Variants in FAT3 observed in about 807,000 individuals in gnomAD.
FAT3 encodes FAT atypical cadherin 3.
Under a neutral mutation model 310.2 loss-of-function variants are expected in FAT3, and 95 were observed. The ratio of observed to expected loss-of-function variants is 0.31; its 90% confidence interval spans 0.26 to 0.36. The LOEUF is 0.36. Among genes scored for constraint, FAT3 ranks in the 10% least tolerant of loss-of-function variants. FAT3 has a pLI of 1.00. For synonymous variants in FAT3, 2,314 were observed against 2,192.9 expected, an observed-to-expected ratio of 1.06 and a Z score of -1.54; for missense variants, 5,408 against 5,715.6, an observed-to-expected ratio of 0.95 and a Z score of 1.74.
Position 92,412,402 on chromosome 11 carries a change from ATT to A in FAT3, c.3292+57016_3292+57017del, listed in dbSNP as rs780298367. 4.6e-3 allele frequency among the ~76,000 whole-genome samples: 461 copies of A among 101,140 alleles called. 6 individuals carry two copies. The highest frequency in any genetic ancestry group is 0.013 in the African/African-American group (407 of 30,862). 66.4% of individuals were successfully genotyped at this position (101,140 alleles called of 152,430 possible). On this transcript the variant is annotated intron_variant, in intron 2 of 27. Transcript: ENST00000525166. Reference sequence around the variant, plus strand: ...AGGCATGAGCCACCAGACCCGGCCTATTTTTTTTTTTTTTTTTTTGAGAGTTT... The same window carrying A: ...AGGCATGAGCCACCAGACCCGGCCTATTTTTTTTTTTTTTTTTGAGAGTTT...
At chr11:92,265,354 A>G (rs1008059242) in intron 1 of FAT3, among the ~76,000 whole-genome samples, 3 of 151,904 alleles carry the variant, frequency 2.0e-5, no homozygotes, top group Non-Finnish European at 4.4e-5. Flanking sequence ...ACCCTTCAGT[A>G]TTGACTGCGT....
chr11:92,256,077 A>G (rs1865303913), intron 1 of FAT3, among the ~76,000 whole-genome samples: 1 of 152,182 alleles, frequency 6.6e-6, no homozygotes, highest in Non-Finnish European at 1.5e-5. Flanking sequence ...TTTTCAAGAT[A>G]TTGAAGTCTG....
chr11:92,490,686 T>C (rs1365475566), intron 2 of FAT3, among the ~76,000 whole-genome samples: 1 of 152,170 alleles, frequency 6.6e-6, no homozygotes, highest in Non-Finnish European at 1.5e-5. Flanking sequence ...GCTCAATTTT[T>C]ATCCTGAGTT....
At chr11:92,824,577 A>C (rs1401271294) in intron 13 of FAT3, among the ~76,000 whole-genome samples, 1 of 152,162 alleles carries the variant, frequency 6.6e-6, no homozygotes, top group East Asian at 1.9e-4. Flanking sequence ...CTGGCCTGCA[A>C]AATAAATTGA....
At chr11:92,458,552 C>T (rs1951557289) in intron 2 of FAT3, among the ~76,000 whole-genome samples, 1 of 150,910 alleles carries the variant, frequency 6.6e-6, no homozygotes, top group Non-Finnish European at 1.5e-5. Context: ...TATCTGCACC[C>T]CCTTATTTCT....
intron 4 of FAT3, among the ~76,000 whole-genome samples, chr11:92,747,744 C>T (rs1244111303): frequency 1.3e-5 from 2 of 152,176 alleles, no homozygotes; most frequent in African/African-American, 4.8e-5. Flanking sequence ...TTTAAAGTTC[C>T]ACAGACATCT....
intron 1 of FAT3, among the ~76,000 whole-genome samples, chr11:92,279,165 A>G (rs537000503): frequency 6.6e-6 from 1 of 152,296 alleles, no homozygotes; most frequent in South Asian, 2.1e-4. Context: ...TGTGCATACT[A>G]TAATGACCTT....
At chr11:92,822,303 C>T (rs943294293) in intron 13 of FAT3, among the ~76,000 whole-genome samples, 18 of 151,068 alleles carry the variant, frequency 1.2e-4, no homozygotes, top group South Asian at 4.2e-4. Context: ...CATTTGTAGA[C>T]GCCACAGGTT....
intron 3 of FAT3, among the ~76,000 whole-genome samples, chr11:92,635,234 A>T (rs1941719558): frequency 6.7e-6 from 1 of 150,134 alleles, no homozygotes; most frequent in African/African-American, 2.4e-5. Context: ...TTAGATTCAG[A>T]TTTTTTTTTT....
chr11:92,741,247 C>A (rs942947678), intron 4 of FAT3, among the ~76,000 whole-genome samples: 2 of 152,080 alleles, frequency 1.3e-5, no homozygotes, highest in African/African-American at 2.4e-5. Context: ...CACCATGTTC[C>A]CCGAGCTGAT....
chr11:92,419,205 T>C (rs79769361), intron 2 of FAT3, among the ~76,000 whole-genome samples: 1,907 of 152,308 alleles, frequency 0.013, 35 homozygotes, highest in African/African-American at 0.044. Context: ...ATTTTCCTTA[T>C]GTAAGTGATC....
At chr11:92,553,187 TC>T (rs1448702820) in intron 3 of FAT3, among the ~76,000 whole-genome samples, 1 of 152,164 alleles carries the variant, frequency 6.6e-6, no homozygotes, top group African/African-American at 2.4e-5. Context: ...AAATTAATAT[TC>T]CAGTTGTATT....
At chr11:92,696,960 A>T (rs1417179892) in intron 3 of FAT3, among the ~76,000 whole-genome samples, 1 of 152,236 alleles carries the variant, frequency 6.6e-6, no homozygotes, top group African/African-American at 2.4e-5. Flanking sequence ...ATGTGCATAT[A>T]AAAGTTAAGT....
At chr11:92,429,405 A>C (rs1394077033) in intron 2 of FAT3, among the ~76,000 whole-genome samples, 1 of 152,292 alleles carries the variant, frequency 6.6e-6, no homozygotes, top group Non-Finnish European at 1.5e-5. Flanking sequence ...GTTATGTGTG[A>C]ATTTGATCCT....
chr11:92,535,238 A>G (rs1954213845), intron 3 of FAT3, among the ~76,000 whole-genome samples: 1 of 152,150 alleles, frequency 6.6e-6, no homozygotes, highest in Non-Finnish European at 1.5e-5. Flanking sequence ...GACTGGAGTT[A>G]GAAGCAGAGA....
chr11:92,548,301 C>G (rs1411340042), intron 3 of FAT3, among the ~76,000 whole-genome samples: 1 of 152,160 alleles, frequency 6.6e-6, no homozygotes, highest in East Asian at 1.9e-4. Flanking sequence ...CCGTTATGCT[C>G]TTGAGACCTT....
In FAT3 at chr11:92,800,366, C is replaced by G. The variant is rs1947303010; in HGVS notation, c.7353C>G (p.Ile2451Met). 6.2e-7 allele frequency: 1 copy of G among 1,613,960 alleles called. No individual in the cohort carries two copies. The highest frequency in any genetic ancestry group is 8.5e-7 in the Non-Finnish European group (1 of 1,179,872). ...TGATGGACAGCAAGAGTGGAGTTATCACATTGTCCAACCATCGGAAGCAGC... is the reference window on the plus strand; with the variant it reads ...TGATGGACAGCAAGAGTGGAGTTATGACATTGTCCAACCATCGGAAGCAGC... ...SFLMDSKSGV[I>M]TLSNHRKQRM... Residue 2451 changes from isoleucine (I) to methionine (M), a missense_variant, in exon 10 of 28, where the codon ATC (isoleucine) becomes ATG (methionine). Around this residue, in one of 5 missense-constraint regions of FAT3, gnomAD observed 4,588 missense variants for 4,809.8 expected, o/e 0.95. Transcript: ENST00000525166.
intron 16 of FAT3, 120 bp downstream of exon 16, chr11:92,836,823 AG>A: frequency 8.6e-7 from 1 of 1,163,924 alleles, no homozygotes; most frequent in Non-Finnish European, 1.2e-6. Flanking sequence ...AGAGTAAATA[AG>A]GATGGGCTAA....
At chr11:92,558,087 C>T (rs536943331) in intron 3 of FAT3, among the ~76,000 whole-genome samples, 76 of 152,222 alleles carry the variant, frequency 5.0e-4, no homozygotes, top group African/African-American at 1.7e-3. Context: ...GCCTATAAAG[C>T]GCATCTTTCT....
Sources: allele counts gnomAD v4.1 joint callset (sites outside exome capture counted in the v4.1 genomes callset), GRCh38; gene constraint gnomAD v4.1.1; regional missense constraint gnomAD v4.1.1; transcripts MANE v1.5; gene names NCBI Gene and HGNC (gene_info 2026-07-23, HGNC 2026-07-21).